The following ECM2 variants were observed in gnomAD, a reference collection of about 807,000 sequenced individuals.
ECM2 encodes the protein extracellular matrix protein 2, female organ and adipocyte specific.
A neutral mutation model predicts 67.5 loss-of-function variants in ECM2; 57 were observed. The observed-to-expected ratio is 0.84, with a 90% CI of 0.68 to 1.05. The LOEUF is 1.05. Among genes scored for constraint, ECM2 ranks in the 50% least tolerant of loss-of-function variants. The pLI, the probability that ECM2 is intolerant of heterozygous loss-of-function variation, is 0.00. For missense variants in ECM2, 741 were observed against 822.8 expected (o/e 0.90, Z 1.22); for synonymous variants, 258 against 294.5 (o/e 0.88, Z 1.27).
chr9:92,549,729 G>T, the ECM2 span, among the ~76,000 whole-genome samples: 1 of 151,984 alleles, frequency 6.6e-6, no homozygotes, highest in Non-Finnish European at 1.5e-5. Flanking sequence ...CACCGGATTA[G>T]ATATCATTTT....
chr9:92,520,431 A>G (rs1043217882), intron 2 of ECM2, among the ~76,000 whole-genome samples: 1 of 152,354 alleles, frequency 6.6e-6, no homozygotes. Context: ...ACCACTTCAT[A>G]CAAGAACAGC....
intron 6 of ECM2, among the ~76,000 whole-genome samples, chr9:92,508,713 C>G (rs1847155034): frequency 1.3e-5 from 2 of 152,172 alleles, no homozygotes; most frequent in South Asian, 2.1e-4. Flanking sequence ...ATTTCCATAA[C>G]TAATCCTCAG....
At chr9:92,557,235 G>A in the ECM2 span, among the ~76,000 whole-genome samples, 1 of 152,172 alleles carries the variant, frequency 6.6e-6, no homozygotes, top group South Asian at 2.1e-4. Context: ...TGGTGCTTCT[G>A]TCTCACAGCT....
At chr9:92,520,702 C>T (rs1164730038) in intron 2 of ECM2, among the ~76,000 whole-genome samples, 1 of 152,110 alleles carries the variant, frequency 6.6e-6, no homozygotes, top group African/African-American at 2.4e-5. Flanking sequence ...GTGGAAACAG[C>T]CCAGATGTTC....
In ECM2 at chr9:92,509,900, T is replaced by C. The variant is rs1442133211; in HGVS notation, c.1305A>G (p.Ser435=). 3.1e-6 allele frequency: 5 copies of C among 1,603,094 alleles called. No homozygotes were observed. In the African/African-American group the frequency reaches 6.7e-5, roughly 22 times the overall value. The change falls in exon 6 of 10, where the codon TCA becomes TCG. Residue 435 remains serine (S), a splice_region_variant and synonymous_variant. Transcript: ENST00000344604. ...NLQAIDEESL[S]DLNQLVTLEL... is the part of the protein sequence containing the mutation. Reference sequence around the variant, plus strand: ...CATTGAAAAACAAATATTAAATACCTGATAAACTTTCTTCATCGATAGCCT... The same window carrying C: ...CATTGAAAAACAAATATTAAATACCCGATAAACTTTCTTCATCGATAGCCT...
intron 1 of ECM2, among the ~76,000 whole-genome samples, chr9:92,535,117 A>G (rs1014183322): frequency 7.7e-6 from 1 of 130,588 alleles, no homozygotes; most frequent in Non-Finnish European, 1.7e-5. Flanking sequence ...AAATTGACTC[A>G]CTTTTACTTA....
chr9:92,509,572 A>G (rs935512590), intron 6 of ECM2, among the ~76,000 whole-genome samples: 12 of 152,212 alleles, frequency 7.9e-5, no homozygotes. Context: ...CCATAACACA[A>G]AACACATGGC....
chr9:92,520,443 A>G (rs1283499563), intron 2 of ECM2, among the ~76,000 whole-genome samples: 1 of 152,212 alleles, frequency 6.6e-6, no homozygotes, highest in East Asian at 1.9e-4. Flanking sequence ...AAGAACAGCT[A>G]TAATTAAAAA....
chr9:92,516,312 C>T (rs1847718069), intron 3 of ECM2, among the ~76,000 whole-genome samples: 1 of 152,182 alleles, frequency 6.6e-6, no homozygotes, highest in African/African-American at 2.4e-5. Context: ...ATCCTCCCGC[C>T]TCAGCCTCCC....
Position 92,515,003 on chromosome 9 carries a change from T to C in ECM2, c.682A>G (p.Arg228Gly), listed in dbSNP as rs777366912. The C allele has an allele frequency of 3.1e-6, 5 of 1,614,040 alleles. No individual in the cohort carries two copies. The African/African-American group carries it at 4.0e-5, about 13-fold the overall frequency. Residue 228 changes from arginine to glycine, a missense_variant, in exon 4 of 10, where the codon AGA (arginine) becomes GGA (glycine). Coordinates refer to ENST00000344604, the MANE Select transcript of ECM2 (RefSeq NM_001393.4). ...TGATTTCTAGATTCAGGGGTCTCTCTCTTTTGCTCTGTATCTTCTTCTTTC... is the reference window on the plus strand; with the variant it reads ...TGATTTCTAGATTCAGGGGTCTCTCCCTTTTGCTCTGTATCTTCTTCTTTC... ...EVKEEDTEQK[R>G]ETPESRNQGQ...
intron 2 of ECM2, among the ~76,000 whole-genome samples, chr9:92,518,142 A>G (rs548026988): frequency 1.3e-5 from 2 of 152,180 alleles, no homozygotes; most frequent in Non-Finnish European, 1.5e-5. Context: ...TTTTGTATCC[A>G]TCAGGATAGA....
At chr9:92,516,891 C>T (rs1157817039) in intron 3 of ECM2, 1 of 152,210 alleles carries the variant, frequency 6.6e-6, no homozygotes, top group Non-Finnish European at 1.5e-5. Context: ...CTGTGATCAT[C>T]TGTGTGCATG....
the ECM2 span, among the ~76,000 whole-genome samples, chr9:92,546,035 T>A: frequency 6.6e-6 from 1 of 152,026 alleles, no homozygotes; most frequent in African/African-American, 2.4e-5. Context: ...CAGCACTCTG[T>A]GTCTAGCTCA....
intron 2 of ECM2, among the ~76,000 whole-genome samples, chr9:92,520,368 A>G (rs1346535485): frequency 3.3e-5 from 5 of 152,164 alleles, no homozygotes; most frequent in African/African-American, 1.2e-4. Flanking sequence ...ACATAAAAAG[A>G]TGCTTAACAT....
At chr9:92,558,645 G>C in the ECM2 span, among the ~76,000 whole-genome samples, 2 of 152,132 alleles carry the variant, frequency 1.3e-5, no homozygotes, top group African/African-American at 4.8e-5. Flanking sequence ...CTTCCTGGAA[G>C]GCATCAGCTG....
chr9:92,514,804 C>T lies in ECM2; in HGVS notation c.881G>A (p.Arg294Lys), dbSNP rs1455345600. ...AGAGGGCATTCGGAACATATCTCCTCTTACCGGGTCCTCCTCGTCCTCCTC... is the reference window on the plus strand; with the variant it reads ...AGAGGGCATTCGGAACATATCTCCTTTTACCGGGTCCTCCTCGTCCTCCTC... ...EDEEDEEDPV[R>K]GDMFRMPSRS... The change falls in exon 4 of 10, where the codon AGA (arginine) becomes AAA (lysine). Residue 294 changes from arginine to lysine, a missense_variant. Coordinates refer to ENST00000344604, the MANE Select transcript of ECM2 (RefSeq NM_001393.4). The T allele has an allele frequency of 1.2e-6, 2 of 1,613,810 alleles. No individual in the cohort carries two copies. The highest frequency in any genetic ancestry group is 1.7e-6 in the Non-Finnish European group (2 of 1,179,884).
Position 92,505,521 on chromosome 9 carries a change from A to G in ECM2, c.1464+12T>C, listed in dbSNP as rs1563973209. 1.9e-6 allele frequency: 3 copies of G among 1,576,488 alleles called. No individual in the cohort carries two copies. On this transcript the variant is annotated intron_variant, in intron 7 of 9. Coordinates refer to ENST00000344604, the MANE Select transcript of ECM2 (RefSeq NM_001393.4). ...ATAATACATTTAAAACACTAAAAAA[A>G]TATATTGTTACCTCAATAGAACCAG...
the ECM2 span, among the ~76,000 whole-genome samples, chr9:92,558,508 A>G: frequency 6.6e-6 from 1 of 152,136 alleles, no homozygotes; most frequent in Non-Finnish European, 1.5e-5. Context: ...TGGGTCTCTC[A>G]GCCGTGGATA....
intron 8 of ECM2, among the ~76,000 whole-genome samples, 166 bp from the exon 9 acceptor site, chr9:92,501,219 C>T (rs942427870): frequency 6.6e-6 from 1 of 152,170 alleles, no homozygotes; most frequent in Non-Finnish European, 1.5e-5. Flanking sequence ...GCCCTAGTCT[C>T]TTGCACCAAG....
Sources: allele counts gnomAD v4.1 joint callset (sites outside exome capture counted in the v4.1 genomes callset), GRCh38; gene constraint gnomAD v4.1.1; transcripts MANE v1.5; gene names NCBI Gene and HGNC (gene_info 2026-07-23, HGNC 2026-07-21).